The following EYS variants were observed in gnomAD, a reference collection of about 807,000 sequenced individuals.
EYS encodes the protein EGF-like photoreceptor maintenance factor.
EYS carries 250 observed loss-of-function variants against 282.1 expected under a neutral mutation model. The observed-to-expected ratio is 0.89, with a 90% CI of 0.80 to 0.98. The LOEUF is 0.98. EYS is among the 50% of genes least tolerant of loss of function. The pLI, the probability that EYS is intolerant of heterozygous loss-of-function variation, is 0.00. For synonymous variants in EYS, 1,355 were observed against 1,282.9 expected, an observed-to-expected ratio of 1.06 and a Z score of -1.20; for missense variants, 4,016 against 3,709.0, an observed-to-expected ratio of 1.08 and a Z score of -2.15.
intron 26 of EYS, among the ~76,000 whole-genome samples, chr6:64,465,799 A>G (rs890291111): frequency 2.0e-5 from 3 of 152,022 alleles, no homozygotes; most frequent in Admixed American, 6.6e-5. Context: ...GGAAATAATT[A>G]CCACAGTGAA....
At chr6:64,250,427 A>G (rs560150663) in intron 30 of EYS, among the ~76,000 whole-genome samples, 1 of 152,346 alleles carries the variant, frequency 6.6e-6, no homozygotes, top group Admixed American at 6.5e-5. Flanking sequence ...TCTAAAGAGA[A>G]AACCTTACAG....
intron 1 of EYS, among the ~76,000 whole-genome samples, chr6:65,646,100 C>T (rs1767441603): frequency 6.6e-6 from 1 of 152,098 alleles, no homozygotes; most frequent in Admixed American, 6.5e-5. Flanking sequence ...TTCAGACATT[C>T]AAAGAAGAAT....
At chr6:65,120,208 AAC>A (rs1775496409) in intron 12 of EYS, among the ~76,000 whole-genome samples, 1 of 151,466 alleles carries the variant, frequency 6.6e-6, no homozygotes, top group South Asian at 2.1e-4. Flanking sequence ...CCAAACTAAA[AAC>A]ACAACACTCA....
chr6:64,901,333 A>G (rs1173048755), intron 18 of EYS, among the ~76,000 whole-genome samples: 1 of 126,232 alleles, frequency 7.9e-6, no homozygotes, highest in Non-Finnish European at 1.6e-5. Flanking sequence ...TGCCATAATT[A>G]GGCATTTCTA....
chr6:63,853,501 A>G (rs1449242613), intron 36 of EYS, among the ~76,000 whole-genome samples: 1 of 152,222 alleles, frequency 6.6e-6, no homozygotes, highest in Non-Finnish European at 1.5e-5. Context: ...GACAAATGGA[A>G]AAACATTCCA....
intron 35 of EYS, among the ~76,000 whole-genome samples, chr6:63,934,099 A>T (rs1764980434): frequency 1.3e-5 from 2 of 152,232 alleles, no homozygotes; most frequent in Admixed American, 1.3e-4. Flanking sequence ...GGATATGAAC[A>T]GACACTTCTC....
At chr6:64,249,507 G>C (rs938458300) in intron 30 of EYS, among the ~76,000 whole-genome samples, 1 of 152,098 alleles carries the variant, frequency 6.6e-6, no homozygotes, top group Non-Finnish European at 1.5e-5. Flanking sequence ...TAACAAAATT[G>C]TGCTTGTACT....
intron 22 of EYS, among the ~76,000 whole-genome samples, chr6:64,711,314 TTTCA>T (rs1771204838): frequency 6.6e-6 from 1 of 152,228 alleles, no homozygotes; most frequent in Non-Finnish European, 1.5e-5. Context: ...CAGTTGACAC[TTTCA>T]TTGTGTTTTA....
chr6:64,012,205 G>A (rs1193005466), intron 33 of EYS, among the ~76,000 whole-genome samples: 2 of 152,136 alleles, frequency 1.3e-5, no homozygotes, highest in Admixed American at 1.3e-4. Flanking sequence ...ATAAATGTAA[G>A]TCTATTGCTC....
intron 4 of EYS, among the ~76,000 whole-genome samples, chr6:65,492,618 A>G (rs1462001650): frequency 6.6e-6 from 1 of 152,166 alleles, no homozygotes; most frequent in African/African-American, 2.4e-5. Context: ...CATTCACTCC[A>G]AATCAGCAGT....
chr6:64,230,912 AAG>A (rs987434681), intron 30 of EYS, 88 bp from the exon 31 acceptor site: 74 of 785,274 alleles, frequency 9.4e-5, no homozygotes, highest in Non-Finnish European at 1.4e-4. Flanking sequence ...GATTTAATAT[AAG>A]AGAAAATGAA....
At chr6:64,811,314 A>G (rs964599265) in intron 22 of EYS, among the ~76,000 whole-genome samples, 1 of 152,034 alleles carries the variant, frequency 6.6e-6, no homozygotes, top group African/African-American at 2.4e-5. Context: ...ATTTAAATAC[A>G]GTTTGAATAA....
At chr6:64,694,482 G>A (rs1036206696) in intron 22 of EYS, among the ~76,000 whole-genome samples, 1 of 152,142 alleles carries the variant, frequency 6.6e-6, no homozygotes, top group Non-Finnish European at 1.5e-5. Context: ...GGTCTGACCT[G>A]GGGAGCAATC....
At chr6:65,158,399 A>G (rs2150219859) in intron 12 of EYS, among the ~76,000 whole-genome samples, 1 of 151,052 alleles carries the variant, frequency 6.6e-6, no homozygotes, top group South Asian at 2.1e-4. Flanking sequence ...AATCAATGAT[A>G]AAGCTAAAGA....
chr6:64,918,264 C>T (rs1768226272), intron 15 of EYS, among the ~76,000 whole-genome samples: 1 of 151,762 alleles, frequency 6.6e-6, no homozygotes, highest in Non-Finnish European at 1.5e-5. Flanking sequence ...TGAATAACAG[C>T]CTGAAAATGT....
At chr6:65,563,109 C>T (rs552365198) in intron 2 of EYS, among the ~76,000 whole-genome samples, 8 of 152,128 alleles carry the variant, frequency 5.3e-5, no homozygotes, top group Admixed American at 2.0e-4. Flanking sequence ...AAATTGCAGT[C>T]GAGAGAATTT....
intron 14 of EYS, among the ~76,000 whole-genome samples, chr6:64,980,528 A>G (rs1308224473): frequency 6.6e-6 from 1 of 151,500 alleles, no homozygotes; most frequent in Non-Finnish European, 1.5e-5. Context: ...AGCTGCATTT[A>G]TATTACAGCA....
intron 31 of EYS, among the ~76,000 whole-genome samples, chr6:64,207,517 T>G (rs2150325590): frequency 6.6e-6 from 1 of 152,252 alleles, no homozygotes; most frequent in Non-Finnish European, 1.5e-5. Context: ...ACATACTAGC[T>G]AATGCATTAC....
chr6:65,116,522 A>G (rs935472744), intron 12 of EYS, among the ~76,000 whole-genome samples: 1 of 152,114 alleles, frequency 6.6e-6, no homozygotes, highest in East Asian at 1.9e-4. Flanking sequence ...CTCTAGCCCA[A>G]GGGCAATAAC....
Sources: allele counts gnomAD v4.1 joint callset (sites outside exome capture counted in the v4.1 genomes callset), GRCh38; gene constraint gnomAD v4.1.1; transcripts MANE v1.5; gene names NCBI Gene and HGNC (gene_info 2026-07-23, HGNC 2026-07-21).